Variants in GARIN5B observed in about 807,000 individuals in gnomAD.
GARIN5B encodes golgi associated RAB2 interactor family member 5B.
chr19:55,358,850 A>C, the GARIN5B span: 1 of 1,547,302 alleles, frequency 6.5e-7, no homozygotes, highest in Non-Finnish European at 8.7e-7. Context: ...CTTGGCCTTG[A>C]CCCATCTCTT....
At chr19:55,361,102 G>A in the GARIN5B span, 8 of 1,551,248 alleles carry the variant, frequency 5.2e-6, no homozygotes, top group African/African-American at 1.4e-5. Context: ...GCGCTTGAGC[G>A]CCTGGAGTGG....
At chr19:55,363,152 G>A in the GARIN5B span, 27 of 1,345,678 alleles carry the variant, frequency 2.0e-5, no homozygotes, top group Middle Eastern at 2.2e-4. This position sits in a 1 kb window ranked among gnomAD's most constrained non-coding sequence, Gnocchi z 4.0. Flanking sequence ...GCCTTGACCC[G>A]TGGGGCTTCA....
the GARIN5B span, chr19:55,360,583 C>G: frequency 2.3e-6 from 3 of 1,320,690 alleles, no homozygotes; most frequent in Non-Finnish European, 3.1e-6. Context: ...CTCCCTCAGA[C>G]CCAGGAGTCC....
the GARIN5B span, chr19:55,358,965 C>T: frequency 1.3e-6 from 2 of 1,551,226 alleles, no homozygotes; most frequent in South Asian, 2.4e-5. Flanking sequence ...CCCCTGAAGG[C>T]CTCCAGGGTC....
the GARIN5B span, chr19:55,359,096 G>A: frequency 2.2e-4 from 340 of 1,551,204 alleles, no homozygotes; most frequent in African/African-American, 3.7e-3. Context: ...GGTGCGCACC[G>A]TCACCACCGG....
At chr19:55,359,803 C>T in the GARIN5B span, 1 of 1,551,268 alleles carries the variant, frequency 6.4e-7, no homozygotes, top group Non-Finnish European at 8.7e-7. Flanking sequence ...CAGCAGACGA[C>T]AAAGTGCTGC....
the GARIN5B span, chr19:55,358,336 G>A: frequency 2.6e-6 from 4 of 1,529,368 alleles, no homozygotes; most frequent in Non-Finnish European, 3.5e-6. Context: ...GGGACGCCCT[G>A]GCTGTGGCCT....
the GARIN5B span, chr19:55,358,168 C>A: frequency 8.0e-6 from 12 of 1,506,250 alleles, no homozygotes; most frequent in Non-Finnish European, 1.1e-5. Flanking sequence ...TCAAGACGCC[C>A]GATTCCTCCT....
chr19:55,356,804 CT>C, the GARIN5B span, among the ~76,000 whole-genome samples: 1 of 151,756 alleles, frequency 6.6e-6, no homozygotes, highest in Non-Finnish European at 1.5e-5. Flanking sequence ...AATCCCAACA[CT>C]TTTGGGAGGC....
At chr19:55,358,617 T>G in the GARIN5B span, 65 of 1,551,286 alleles carry the variant, frequency 4.2e-5, no homozygotes, top group Non-Finnish European at 4.7e-5. Context: ...ACCACTGGCT[T>G]CCCCTCCAGT....
At chr19:55,359,947 G>A in the GARIN5B span, 2 of 1,550,248 alleles carry the variant, frequency 1.3e-6, no homozygotes, top group East Asian at 2.4e-5. Flanking sequence ...CATGTCCCTG[G>A]CCTGTGGCTT....
the GARIN5B span, chr19:55,359,414 G>C: frequency 6.5e-7 from 1 of 1,547,852 alleles, no homozygotes; most frequent in South Asian, 1.2e-5. Context: ...AGAAGCTGAC[G>C]CAGCTGAGGC....
chr19:55,357,537 C>T, the GARIN5B span, among the ~76,000 whole-genome samples: 37 of 152,350 alleles, frequency 2.4e-4, no homozygotes, highest in African/African-American at 8.4e-4. Context: ...CCGTCCTCTC[C>T]TCCAGGTCTT....
At chr19:55,359,581 C>G in the GARIN5B span, 1 of 1,550,804 alleles carries the variant, frequency 6.4e-7, no homozygotes, top group Non-Finnish European at 8.7e-7. Context: ...GGGGTTTCCA[C>G]GATGAAGCAG....
At chr19:55,355,485 T>A in the GARIN5B span, 2 of 760,216 alleles carry the variant, frequency 2.6e-6, no homozygotes, top group Admixed American at 4.6e-5. Context: ...TGGCTCACTG[T>A]TGTATCTGCC....
chr19:55,358,481 A>G, the GARIN5B span: 1 of 1,537,456 alleles, frequency 6.5e-7, no homozygotes, highest in Non-Finnish European at 8.8e-7. Flanking sequence ...GCGAAAGGGC[A>G]CCTTGGGTGG....
chr19:55,358,218 C>A, the GARIN5B span: 1 of 1,548,304 alleles, frequency 6.5e-7, no homozygotes, highest in Non-Finnish European at 8.7e-7. Context: ...CTCACAGTTT[C>A]AAGTTCTAAG....
the GARIN5B span, chr19:55,359,475 C>T: frequency 7.9e-5 from 122 of 1,540,484 alleles, no homozygotes; most frequent in African/African-American, 2.9e-4. Flanking sequence ...GGAGCAGGTA[C>T]GGCTGGGGCC....
At chr19:55,358,982 T>A in the GARIN5B span, 2 of 1,551,190 alleles carry the variant, frequency 1.3e-6, no homozygotes, top group Non-Finnish European at 1.7e-6. Flanking sequence ...GGTCACCTCC[T>A]TGGTTTGGCT....
Sources: allele counts gnomAD v4.1 joint callset (sites outside exome capture counted in the v4.1 genomes callset), GRCh38; gene constraint gnomAD v4.1.1; non-coding constraint Gnocchi (gnomAD v3.1); transcripts MANE v1.5; gene names NCBI Gene and HGNC (gene_info 2026-07-23, HGNC 2026-07-21).